NTNG2: variants seen among roughly 807,000 people sequenced by gnomAD.
NTNG2 encodes the protein netrin-G2.
A neutral mutation model predicts 47.6 loss-of-function variants in NTNG2; 15 were observed. That is an observed-to-expected ratio of 0.32 (90% CI 0.21 to 0.49). The LOEUF (loss-of-function observed/expected upper bound fraction) is 0.49, where lower values mean the gene tolerates loss of function less well. Among genes scored for constraint, NTNG2 ranks in the 20% least tolerant of loss-of-function variants. NTNG2 has a pLI of 0.99. For missense variants in NTNG2, 578 were observed against 764.6 expected (o/e 0.76, Z 2.88); for synonymous variants, 307 against 324.6 (o/e 0.95, Z 0.58).
intron 3 of NTNG2, among the ~76,000 whole-genome samples, chr9:132,199,731 A>T (rs1838598407): frequency 2.0e-5 from 3 of 152,282 alleles, no homozygotes; most frequent in Admixed American, 6.5e-5. Flanking sequence ...GGACAGTCCA[A>T]CGGCTTATGG....
chr9:132,207,137 T>G (rs528455286), intron 3 of NTNG2, among the ~76,000 whole-genome samples: 1 of 152,366 alleles, frequency 6.6e-6, no homozygotes, highest in African/African-American at 2.4e-5. Flanking sequence ...AAGAAGGCAT[T>G]TCCTCTGCGA....
At chr9:132,169,452 G>T (rs1345165484) in intron 2 of NTNG2, among the ~76,000 whole-genome samples, 2 of 152,236 alleles carry the variant, frequency 1.3e-5, no homozygotes, top group African/African-American at 2.4e-5. Flanking sequence ...ACAGTTTATT[G>T]TGGCTTCCCC....
chr9:132,228,965 C>T (rs1387367212), intron 4 of NTNG2, among the ~76,000 whole-genome samples: 2 of 152,090 alleles, frequency 1.3e-5, no homozygotes, highest in East Asian at 3.9e-4. Flanking sequence ...ATCCACTGTC[C>T]CCACCCTCAC....
intron 7 of NTNG2, among the ~76,000 whole-genome samples, chr9:132,241,659 A>G (rs1301252873): frequency 5.3e-5 from 8 of 151,802 alleles, no homozygotes; most frequent in Admixed American, 4.6e-4. Context: ...TGGGGCGGGG[A>G]GAGAGGGGCA....
intron 3 of NTNG2, among the ~76,000 whole-genome samples, chr9:132,223,883 C>T (rs1348143321): frequency 1.3e-5 from 2 of 152,170 alleles, no homozygotes; most frequent in Non-Finnish European, 2.9e-5. Context: ...AGAGTAAAAT[C>T]CCGCCTCCGT....
intron 5 of NTNG2, 43 bp downstream of exon 5, chr9:132,230,638 C>A: frequency 6.3e-7 from 1 of 1,579,286 alleles, no homozygotes; most frequent in Non-Finnish European, 8.6e-7. Context: ...CCCCACTGCA[C>A]GAGCCTCTTT....
intron 2 of NTNG2, among the ~76,000 whole-genome samples, chr9:132,173,364 C>T (rs1188012746): frequency 6.6e-6 from 1 of 152,120 alleles, no homozygotes; most frequent in Non-Finnish European, 1.5e-5. Flanking sequence ...GGAGTGAGAC[C>T]CTTGCTTCTG....
At chr9:132,228,230 C>T (rs184587919) in intron 4 of NTNG2, among the ~76,000 whole-genome samples, 109 of 152,370 alleles carry the variant, frequency 7.2e-4, no homozygotes, top group African/African-American at 1.9e-3. Context: ...CTGAGAGCCA[C>T]GTGCAGAGGC....
intron 1 of NTNG2, among the ~76,000 whole-genome samples, chr9:132,164,587 C>T (rs1179241561): frequency 6.6e-6 from 1 of 152,224 alleles, no homozygotes; most frequent in Non-Finnish European, 1.5e-5. Context: ...CCTTTGCCGG[C>T]GGCGCTATTT....
chr9:132,220,781 C>A (rs189177739), intron 3 of NTNG2, among the ~76,000 whole-genome samples: 135 of 152,258 alleles, frequency 8.9e-4, no homozygotes, highest in Non-Finnish European at 1.6e-3. Flanking sequence ...TTCTAGTTTG[C>A]AGCTCTTTGA....
At position 132,162,569 on chromosome 9, in the gene NTNG2, AGT is replaced by A. The variant is rs769570116; in HGVS notation, c.-484+377_-484+378del. Among the ~76,000 whole-genome samples, 12,608 of 111,958 alleles carry A rather than the reference AGT, an allele frequency of 0.11. 687 individuals are homozygous for A. Among genetic ancestry groups the A allele is most frequent in the Non-Finnish European group, 0.13 (6,949 of 55,068 alleles). 73.4% of individuals were successfully genotyped at this position (111,958 alleles called of 152,430 possible). A position where few individuals can be genotyped will look rare whatever the true frequency, so the allele number is the denominator to read the frequency against. On this transcript the variant is annotated intron_variant, in intron 1 of 7. Transcript: ENST00000393229. The surrounding 1 kb of genome is among the most constrained non-coding windows in gnomAD (Gnocchi z 4.6). ...GTGTGTGTGTGTGAGAGAGAGACAG[AGT>A]GTGTGTGTGTGTGTGTGTGTGTGTG...
intron 1 of NTNG2, among the ~76,000 whole-genome samples, chr9:132,164,221 T>A (rs1105684): frequency 0.17 from 26,452 of 152,258 alleles, 2,375 homozygotes; most frequent in East Asian, 0.22. Context: ...TAGGGTTTTT[T>A]AAATTTATTT....
In NTNG2 at chr9:132,198,287, G is replaced by T. The variant is rs1389920746; in HGVS notation, c.535G>T (p.Ala179Ser). 1.2e-6 allele frequency: 2 copies of T among 1,604,652 alleles called. No homozygotes were observed. The highest frequency in any genetic ancestry group is 1.7e-6 in the Non-Finnish European group (2 of 1,177,308). Residue 179 changes from alanine to serine, a missense_variant, in exon 3 of 8, where the codon GCC becomes TCC. Coordinates refer to ENST00000393229, the MANE Select transcript of NTNG2 (RefSeq NM_032536.4). ...CTGCATGGAGGCCTTCGGTATGTCC[G>T]CCCGCCGGGCCCGCGACATGTCATC... ...EDCMEAFGMS[A>S]RRARDMSSSS... is the part of the protein sequence containing the mutation.
At chr9:132,217,335 G>A (rs1382046471) in intron 3 of NTNG2, among the ~76,000 whole-genome samples, 1 of 152,210 alleles carries the variant, frequency 6.6e-6, no homozygotes, top group Non-Finnish European at 1.5e-5. Context: ...GAGGCAGGGA[G>A]GGGAAGGGTG....
intron 5 of NTNG2, chr9:132,233,726 G>A (rs1431472732): frequency 6.6e-6 from 1 of 152,184 alleles, no homozygotes; most frequent in Non-Finnish European, 1.5e-5. Flanking sequence ...GAGTTCTCCT[G>A]GGCTGTGCTC....
chr9:132,241,084 AG>A, intron 7 of NTNG2, 40 bp downstream of exon 7: 1 of 1,547,984 alleles, frequency 6.5e-7, no homozygotes, highest in Non-Finnish European at 8.7e-7. Context: ...GCCTGCGGAA[AG>A]GGGACGGGGC....
intron 6 of NTNG2, 133 bp from the exon 7 acceptor site, chr9:132,240,777 C>T: frequency 2.2e-6 from 3 of 1,388,190 alleles, no homozygotes; most frequent in Admixed American, 2.0e-5. Context: ...GCCGCGGGCT[C>T]ACGTGGACCC....
At chr9:132,171,665 G>T (rs1835921112) in intron 2 of NTNG2, among the ~76,000 whole-genome samples, 1 of 152,216 alleles carries the variant, frequency 6.6e-6, no homozygotes, top group African/African-American at 2.4e-5. Flanking sequence ...CAGGGGGTCT[G>T]CTGGGCTGTT....
chr9:132,193,467 A>G (rs922952178), intron 2 of NTNG2, among the ~76,000 whole-genome samples: 3 of 152,154 alleles, frequency 2.0e-5, no homozygotes, highest in Non-Finnish European at 2.9e-5. Flanking sequence ...AGGAGGACAG[A>G]CAGTGGCCAA....
Sources: allele counts gnomAD v4.1 joint callset (sites outside exome capture counted in the v4.1 genomes callset), GRCh38; gene constraint gnomAD v4.1.1; non-coding constraint Gnocchi (gnomAD v3.1); transcripts MANE v1.5; gene names NCBI Gene and HGNC (gene_info 2026-07-23, HGNC 2026-07-21).